Variants in AOAH observed in about 807,000 individuals in gnomAD.
AOAH encodes the protein acyloxyacyl hydrolase (neutrophil).
AOAH carries 64 observed loss-of-function variants against 92.2 expected under a neutral mutation model. That is an observed-to-expected ratio of 0.69 (90% CI 0.57 to 0.86). The LOEUF is 0.86. AOAH is among the 40% of genes least tolerant of loss of function. The pLI, the probability that AOAH is intolerant of heterozygous loss-of-function variation, is 0.00. For missense variants in AOAH, 656 were observed against 694.6 expected (o/e 0.94, Z 0.62); for synonymous variants, 263 against 254.5 (o/e 1.03, Z -0.32).
At chr7:36,592,952 G>A (rs777559336) in intron 12 of AOAH, among the ~76,000 whole-genome samples, 1 of 152,184 alleles carries the variant, frequency 6.6e-6, no homozygotes, top group Non-Finnish European at 1.5e-5. Flanking sequence ...TATATTGGCA[G>A]ATTATTTCTA....
At chr7:36,690,581 G>A (rs1456510352) in intron 1 of AOAH, among the ~76,000 whole-genome samples, 1 of 152,216 alleles carries the variant, frequency 6.6e-6, no homozygotes, top group Admixed American at 6.5e-5. Context: ...CACGGGCAGA[G>A]TAATTCCTCC....
intron 4 of AOAH, among the ~76,000 whole-genome samples, chr7:36,645,450 G>A (rs1176981123): frequency 6.6e-6 from 1 of 152,222 alleles, no homozygotes; most frequent in Non-Finnish European, 1.5e-5. Context: ...CCCTAACTAA[G>A]ACAGGCAGAT....
chr7:36,657,795 C>T (rs1451424672), intron 4 of AOAH, among the ~76,000 whole-genome samples: 1 of 152,102 alleles, frequency 6.6e-6, no homozygotes. Flanking sequence ...AAGACAAGGA[C>T]ATGAAATTTC....
chr7:36,672,719 T>C (rs1452473446), intron 3 of AOAH, among the ~76,000 whole-genome samples: 1 of 152,014 alleles, frequency 6.6e-6, no homozygotes, highest in East Asian at 1.9e-4. Flanking sequence ...CAAACCACCA[T>C]GGCACATGTA....
intron 9 of AOAH, among the ~76,000 whole-genome samples, chr7:36,618,726 C>T (rs1450885704): frequency 6.6e-6 from 1 of 152,162 alleles, no homozygotes; most frequent in Non-Finnish European, 1.5e-5. Flanking sequence ...ATCTTCAGTA[C>T]CTAAGATTGA....
At chr7:36,606,511 T>C (rs1344526142) in intron 11 of AOAH, among the ~76,000 whole-genome samples, 3 of 152,214 alleles carry the variant, frequency 2.0e-5, no homozygotes, top group Admixed American at 6.5e-5. Flanking sequence ...GCAACAGCCT[T>C]AGCTAGCAAA....
chr7:36,535,999 C>T (rs1466053632), intron 16 of AOAH, among the ~76,000 whole-genome samples: 1 of 152,182 alleles, frequency 6.6e-6, no homozygotes, highest in Non-Finnish European at 1.5e-5. Context: ...TGGGGTGCCC[C>T]AGCCCTTGGC....
intron 16 of AOAH, among the ~76,000 whole-genome samples, chr7:36,539,245 C>A (rs553681080): frequency 6.6e-6 from 1 of 152,322 alleles, no homozygotes; most frequent in Non-Finnish European, 1.5e-5. Context: ...GGTGCTTGGA[C>A]TGCCAGCACC....
chr7:36,715,065 A>G (rs528561647), intron 1 of AOAH, among the ~76,000 whole-genome samples: 253 of 152,302 alleles, frequency 1.7e-3, no homozygotes, highest in African/African-American at 5.8e-3. Context: ...ACATGATTGT[A>G]TATCTAGAAA....
At chr7:36,595,460 G>T (rs6967333) in intron 11 of AOAH, among the ~76,000 whole-genome samples, 1 of 152,126 alleles carries the variant, frequency 6.6e-6, no homozygotes, top group Non-Finnish European at 1.5e-5. Flanking sequence ...TTGAGCCCAG[G>T]ACGTCAAGGC....
In AOAH at chr7:36,517,214, C is replaced by CTTTCTTTCTT. The variant is rs59205788; in HGVS notation, c.1600-3835_1600-3834insAAGAAAGAAA. On this transcript the variant is annotated intron_variant, in intron 20 of 20. Transcript: ENST00000617537. ...TCTTTCTTTCTTTCTTTCTTTCTTT[C>CTTTCTTTCTT]TCTTTCTTTCTGTCTCTCTCTCTCT... Among the ~76,000 whole-genome samples, 451 of 104,666 alleles carry CTTTCTTTCTT rather than the reference C, an allele frequency of 4.3e-3. 3 individuals are homozygous for CTTTCTTTCTT. Among genetic ancestry groups the CTTTCTTTCTT allele is most frequent in the Middle Eastern group, 8.7e-3 (2 of 230 alleles). The allele number at this position is 104,666 out of a possible 152,430, so 68.7% of individuals were successfully genotyped here.
intron 1 of AOAH, among the ~76,000 whole-genome samples, chr7:36,720,146 T>TG (rs970785201): frequency 2.8e-4 from 42 of 151,942 alleles, no homozygotes; most frequent in Non-Finnish European, 4.6e-4. Flanking sequence ...AAAGTTTTTT[T>TG]TTTTGTTTTG....
At chr7:36,550,459 A>C (rs1213057946) in intron 13 of AOAH, among the ~76,000 whole-genome samples, 1 of 152,174 alleles carries the variant, frequency 6.6e-6, no homozygotes, top group Non-Finnish European at 1.5e-5. Context: ...TGTGTGAGGT[A>C]GCTACTGTTG....
At chr7:36,643,722 T>TGGG (rs1458254080) in intron 4 of AOAH, among the ~76,000 whole-genome samples, 2 of 152,138 alleles carry the variant, frequency 1.3e-5, no homozygotes, top group African/African-American at 4.8e-5. Context: ...ACTGGCCTGG[T>TGGG]GGGAGGTGAT....
chr7:36,617,543 C>T lies in AOAH; in HGVS notation c.751+754G>A, dbSNP rs62447214. Among the ~76,000 whole-genome samples the T allele has an allele frequency of 9.1e-3, 1,390 of 152,260 alleles. 14 individuals carry two copies. Among genetic ancestry groups the T allele is most frequent in the East Asian group, 0.016 (83 of 5,182 alleles). Reference sequence around the variant, plus strand: ...AAGAAAACTCAGAGCCAAGTATAACCGTTGGTTAGAATTGGACTTGTTGTT... The same window carrying T: ...AAGAAAACTCAGAGCCAAGTATAACTGTTGGTTAGAATTGGACTTGTTGTT... On this transcript the variant is annotated intron_variant, in intron 10 of 20. Transcript: ENST00000617537.
chr7:36,620,866 G>A, intron 8 of AOAH, 37 bp from the exon 9 acceptor site: 1 of 1,593,300 alleles, frequency 6.3e-7, no homozygotes, highest in Non-Finnish European at 8.6e-7. Context: ...TTTGACATAT[G>A]CTTGTCTCTC....
At chr7:36,565,584 G>T (rs957698895) in intron 13 of AOAH, among the ~76,000 whole-genome samples, 1 of 151,700 alleles carries the variant, frequency 6.6e-6, no homozygotes, top group African/African-American at 2.4e-5. Flanking sequence ...TCAGGTTGGG[G>T]TGCAGTGGCG....
intron 2 of AOAH, among the ~76,000 whole-genome samples, chr7:36,674,274 C>T (rs1246642771): frequency 1.3e-5 from 2 of 152,150 alleles, no homozygotes; most frequent in East Asian, 3.8e-4. Context: ...TTTTCCTTTT[C>T]GTTCATTCTT....
chr7:36,637,295 C>A (rs972110689), intron 5 of AOAH, among the ~76,000 whole-genome samples: 3 of 152,192 alleles, frequency 2.0e-5, no homozygotes, highest in Non-Finnish European at 4.4e-5. Flanking sequence ...TCTATCAGTA[C>A]TGACACTGGA....
Sources: allele counts gnomAD v4.1 joint callset (sites outside exome capture counted in the v4.1 genomes callset), GRCh38; gene constraint gnomAD v4.1.1; transcripts MANE v1.5; gene names NCBI Gene and HGNC (gene_info 2026-07-23, HGNC 2026-07-21).